Variants in TNRC18 observed in about 807,000 individuals in gnomAD.
TNRC18 encodes the protein trinucleotide repeat containing 18, also known as trinucleotide repeat-containing gene 18 protein.
TNRC18 carries 69 observed loss-of-function variants against 226.7 expected under a neutral mutation model. The ratio of observed to expected loss-of-function variants is 0.30; its 90% CI spans 0.25 to 0.37. The LOEUF is 0.37. Among genes scored for constraint, TNRC18 ranks in the 10% least tolerant of loss-of-function variants. TNRC18 has a pLI of 1.00. For missense variants in TNRC18, 4,754 were observed against 4,256.6 expected (o/e 1.12, Z -3.25); for synonymous variants, 2,449 against 1,927.6 (o/e 1.27, Z -7.09).
chr7:5,361,550 C>A, intron 14 of TNRC18, 44 bp downstream of exon 14: 1 of 1,452,334 alleles, frequency 6.9e-7, no homozygotes, highest in Non-Finnish European at 9.1e-7. Context: ...CTCCTCCCCT[C>A]AAGCTGTGTG....
intron 10 of TNRC18, among the ~76,000 whole-genome samples, chr7:5,373,035 G>A (rs931004866): frequency 1.3e-5 from 2 of 152,130 alleles, no homozygotes. Flanking sequence ...GCACATGCCT[G>A]TAATCCCAGC....
At chr7:5,406,102 G>A (rs919344475) in intron 2 of TNRC18, among the ~76,000 whole-genome samples, 1 of 152,172 alleles carries the variant, frequency 6.6e-6, no homozygotes, top group African/African-American at 2.4e-5. Context: ...AGGACAATCC[G>A]ATACATTCCA....
chr7:5,325,074 A>T, intron 20 of TNRC18, 22 bp downstream of exon 20: 1 of 1,549,022 alleles, frequency 6.5e-7, no homozygotes, highest in Admixed American at 2.0e-5. Context: ...ACAGCCCCCA[A>T]CCAGGGCACG....
rs902186140 is a variant in TNRC18, at chr7:5,306,815, CTTT to C, written c.*1288_*1290del. On this transcript the variant is annotated 3_prime_UTR_variant, in exon 30 of 30. Coordinates refer to ENST00000430969, the MANE Select transcript of TNRC18 (RefSeq NM_001080495.3). Reference sequence around the variant, plus strand: ...TTTTATTTTTCCAATTAAATCTTTTCTTTTTTTTTATGAAAAAAGATCACACAG... The same window carrying C: ...TTTTATTTTTCCAATTAAATCTTTTCTTTTTTATGAAAAAAGATCACACAG... 1 of 150,990 alleles carries C rather than the reference CTTT, an allele frequency of 6.6e-6. No individual in the cohort carries two copies. Among genetic ancestry groups the C allele is most frequent in the Non-Finnish European group, 1.5e-5 (1 of 67,754 alleles). The allele number at this position is 150,990 out of a possible 1,614,324, so 9.4% of individuals were successfully genotyped here. A position where few individuals can be genotyped will look rare whatever the true frequency, so the allele number is the denominator to read the frequency against.
chr7:5,320,888 T>G (rs1788284463), intron 22 of TNRC18, among the ~76,000 whole-genome samples, 185 bp downstream of exon 22: 1 of 152,220 alleles, frequency 6.6e-6, no homozygotes, highest in Admixed American at 6.5e-5. Flanking sequence ...CTGGGAGGGT[T>G]CACCCAGTAC....
chr7:5,385,464 C>T (rs1314979045), intron 5 of TNRC18, among the ~76,000 whole-genome samples: 283 of 128,780 alleles, frequency 2.2e-3, no homozygotes, highest in African/African-American at 7.5e-3. Context: ...GTCCGCAGTC[C>T]GGCCTGGGCG....
At chr7:5,420,794 G>GC in intron 2 of TNRC18, 3 of 667,452 alleles carry the variant, frequency 4.5e-6, no homozygotes, top group African/African-American at 3.6e-5. Context: ...GATTGGAATC[G>GC]CCCCCGGTGG....
At chr7:5,343,475 T>C (rs765279174) in intron 18 of TNRC18, among the ~76,000 whole-genome samples, 1 of 152,244 alleles carries the variant, frequency 6.6e-6, no homozygotes, top group Non-Finnish European at 1.5e-5. Flanking sequence ...TGGGCTTCAG[T>C]GCAGTGGCGC....
At chr7:5,358,728 C>T (rs1311923301) in intron 15 of TNRC18, among the ~76,000 whole-genome samples, 2 of 152,138 alleles carry the variant, frequency 1.3e-5, no homozygotes, top group African/African-American at 4.8e-5. Context: ...GCAGGAGAAT[C>T]GCTTGAACCT....
chr7:5,421,158 A>T lies in TNRC18; in HGVS notation c.89T>A (p.Val30Glu), dbSNP rs1344202603. The change falls in exon 2 of 30, where the codon GTG becomes GAG. Residue 30 changes from valine to glutamate, a missense_variant. Transcript: ENST00000430969. ...CAAGCGTCCGGCAGTGGCCGCGCCC[A>T]CGCGGTGGCTGTCCATGGCCAGGCC... ...LSGLAMDSHR[V>E]GAATAGRLPA... 7.0e-7 allele frequency: 1 copy of T among 1,424,398 alleles called. No individual in the cohort carries two copies. Among genetic ancestry groups the T allele is most frequent in the African/African-American group, 1.5e-5 (1 of 66,450 alleles). The allele number at this position is 1,424,398 out of a possible 1,614,324, so 88.2% of individuals were successfully genotyped here.
intron 15 of TNRC18, among the ~76,000 whole-genome samples, chr7:5,358,746 G>A (rs1023626473): frequency 6.6e-6 from 1 of 152,134 alleles, no homozygotes; most frequent in Non-Finnish European, 1.5e-5. Flanking sequence ...CCTGGGAGGC[G>A]GATGTTGCAG....
Position 5,371,313 on chromosome 7 carries a change from G to A in TNRC18, c.3281C>T (p.Pro1094Leu). Residue 1094 changes from proline (P) to leucine (L), a missense_variant, in exon 11 of 30, where the codon CCC becomes CTC. Physicochemically the swap from Pro to Leu is moderately conservative, Grantham distance 98. Coordinates refer to ENST00000430969, the MANE Select transcript of TNRC18 (RefSeq NM_001080495.3). ...FQALPPHYGR[P>L]YPFLLQPTAA... The stretch of plus-strand genomic sequence containing the variant: ...CGTGGGCTGCAGCAGGAAAGGGTAG[G>A]GCCTCCCGTAGTGCGGTGGCAGGGC... The A allele has an allele frequency of 1.9e-6, 3 of 1,550,298 alleles. No individual in the cohort carries two copies. Among genetic ancestry groups the A allele is most frequent in the Non-Finnish European group, 2.6e-6 (3 of 1,152,128 alleles).
intron 2 of TNRC18, among the ~76,000 whole-genome samples, chr7:5,399,304 G>A (rs774637431): frequency 9.9e-5 from 15 of 152,122 alleles, no homozygotes; most frequent in Non-Finnish European, 2.1e-4. Context: ...CCTGCCTCTC[G>A]CCCTAGGCTG....
At chr7:5,316,224 G>A (rs991320556) in intron 24 of TNRC18, among the ~76,000 whole-genome samples, 152 bp from the exon 25 acceptor site, 17 of 150,336 alleles carry the variant, frequency 1.1e-4, no homozygotes, top group African/African-American at 4.1e-4. Flanking sequence ...CAGCGGCTCA[G>A]AATGTGGGTG....
At chr7:5,396,232 T>C (rs955532977) in intron 2 of TNRC18, among the ~76,000 whole-genome samples, 2 of 147,648 alleles carry the variant, frequency 1.4e-5, no homozygotes, top group Non-Finnish European at 3.0e-5. Context: ...CCTGTAATTT[T>C]AGCTACTCGG....
At chr7:5,314,522 C>G (rs1326435184) in intron 26 of TNRC18, among the ~76,000 whole-genome samples, 1 of 151,364 alleles carries the variant, frequency 6.6e-6, no homozygotes, top group Non-Finnish European at 1.5e-5. Context: ...CATCTGTCAC[C>G]TGGTCAGAAC....
intron 24 of TNRC18, among the ~76,000 whole-genome samples, chr7:5,318,740 T>A (rs552365792): frequency 1.3e-5 from 2 of 152,166 alleles, no homozygotes; most frequent in East Asian, 3.9e-4. Flanking sequence ...GGAAGCAAGA[T>A]AAAAATAGAA....
intron 18 of TNRC18, 45 bp downstream of exon 18, chr7:5,345,517 G>GACTCC: frequency 2.6e-6 from 1 of 377,744 alleles, no homozygotes; most frequent in South Asian, 4.4e-5. Context: ...AATGGCGTCC[G>GACTCC]CCCCTCCCAC....
At chr7:5,357,542 G>C (rs991081606) in intron 15 of TNRC18, among the ~76,000 whole-genome samples, 1 of 152,144 alleles carries the variant, frequency 6.6e-6, no homozygotes, top group Admixed American at 6.5e-5. Context: ...CTCCCGACTA[G>C]CTGGGAGTCG....
Sources: gnomAD v4.1 joint callset for allele counts (sites outside exome capture counted in the v4.1 genomes callset) on GRCh38, gnomAD v4.1.1 for gene constraint, MANE v1.5 for transcripts, NCBI Gene and HGNC (gene_info 2026-07-23, HGNC 2026-07-21) for gene names.